The following ITGB4 variants were observed in gnomAD, a reference collection of about 807,000 sequenced individuals.
The protein encoded by ITGB4 is integrin subunit beta 4.
In ITGB4, 159 loss-of-function variants were observed where a neutral mutation model predicts 207.6. That is an observed-to-expected ratio of 0.77 (90% CI 0.67 to 0.87). The LOEUF is 0.87. Among genes scored for constraint, ITGB4 ranks in the 40% least tolerant of loss-of-function variants. ITGB4 has a pLI of 0.00. For synonymous variants in ITGB4, 1,020 were observed against 1,062.7 expected, an observed-to-expected ratio of 0.96 and a Z score of 0.78; for missense variants, 2,278 against 2,546.8, an observed-to-expected ratio of 0.89 and a Z score of 2.27.
intron 16 of ITGB4, 46 bp downstream of exon 16, chr17:75,736,740 C>A (rs752257415): frequency 1.9e-6 from 3 of 1,568,182 alleles, no homozygotes; most frequent in Middle Eastern, 1.7e-4. Flanking sequence ...GCCTAGGCAG[C>A]GGGCATCCAA....
At chr17:75,744,096 C>T (rs1194609268) in intron 26 of ITGB4, among the ~76,000 whole-genome samples, 1 of 149,880 alleles carries the variant, frequency 6.7e-6, no homozygotes, top group Non-Finnish European at 1.5e-5. Flanking sequence ...GCCAGGGACT[C>T]AGGCCAAGAG....
rs926732546 is a variant in ITGB4 at position 75,732,326 on chromosome 17, C to T, written c.1454+87C>T. On this transcript the variant is annotated intron_variant, in intron 12 of 39. Transcript: ENST00000200181. The surrounding 1 kb of genome is among the most constrained non-coding windows in gnomAD (Gnocchi z 5.3). ...TCCTGCAGGGGCCTGGCCCTGGGTGCACCTTGTACACCTGGCTGGGGGTGG... is the reference window on the plus strand; with the variant it reads ...TCCTGCAGGGGCCTGGCCCTGGGTGTACCTTGTACACCTGGCTGGGGGTGG... 9.8e-6 allele frequency: 12 copies of T among 1,226,936 alleles called. No individual in the cohort carries two copies. The highest frequency in any genetic ancestry group is 5.9e-5 in the African/African-American group (4 of 67,508). The allele number at this position is 1,226,936 out of a possible 1,614,324, so 76.0% of individuals were successfully genotyped here.
intron 13 of ITGB4, among the ~76,000 whole-genome samples, chr17:75,734,683 T>C (rs766051212): frequency 6.6e-6 from 1 of 152,244 alleles, no homozygotes; most frequent in Non-Finnish European, 1.5e-5. Context: ...CCTGCTTTTC[T>C]ACTCTTTCTT....
chr17:75,740,181 G>A lies in ITGB4; in HGVS notation c.2446+110G>A, dbSNP rs2061074446. On this transcript the variant is annotated intron_variant, in intron 20 of 39. Transcript: ENST00000200181. The surrounding 1 kb of genome is among the most constrained non-coding windows in gnomAD (Gnocchi z 5.9). ...TCTGGGTGTGGGGTGCAGGCACAGG[G>A]CTCAGCCACCTTTTGCCCTGTGCTG... The A allele has an allele frequency of 4.5e-6, 6 of 1,319,604 alleles. No homozygotes were observed. Among genetic ancestry groups the A allele is most frequent in the Non-Finnish European group, 6.3e-6 (6 of 956,754 alleles). 81.7% of individuals were successfully genotyped at this position (1,319,604 alleles called of 1,614,324 possible). A position where few individuals can be genotyped will look rare whatever the true frequency, so the allele number is the denominator to read the frequency against.
rs1455669872 is a variant in ITGB4 at position 75,739,152 on chromosome 17, G to A, written c.2221-520G>A. Among the ~76,000 whole-genome samples the A allele has an allele frequency of 6.6e-6, 1 of 151,850 alleles. No homozygotes were observed. Among genetic ancestry groups the A allele is most frequent in the Non-Finnish European group, 1.5e-5 (1 of 67,958 alleles). On this transcript the variant is annotated intron_variant, in intron 18 of 39. Transcript: ENST00000200181. The surrounding 1 kb of genome is among the most constrained non-coding windows in gnomAD (Gnocchi z 5.4). The stretch of plus-strand genomic sequence containing the variant: ...CTCTACTAGAAATACAAAATTAGCT[G>A]GGCATGGAGGTGGATGCCTATAATC...
rs2061147797 is a variant in ITGB4, at chr17:75,742,873, C to T, written c.2962+112C>T. ...ACGTGGCCTGGGCTAGTCACTTAAC[C>T]TCTGCAAGCCTTGGTTTCTCCATCT... is the stretch of plus-strand genomic sequence containing the variant. On this transcript the variant is annotated intron_variant, in intron 25 of 39. Coordinates refer to ENST00000200181, the MANE Select transcript of ITGB4 (RefSeq NM_000213.5). The surrounding 1 kb of genome is among the most constrained non-coding windows in gnomAD (Gnocchi z 5.9). 6 of 970,382 alleles carry T rather than the reference C, an allele frequency of 6.2e-6. No individual in the cohort carries two copies. The highest frequency in any genetic ancestry group is 7.6e-6 in the Non-Finnish European group (5 of 659,480). 60.1% of individuals were successfully genotyped at this position (970,382 alleles called of 1,614,324 possible).
At chr17:75,743,044 G>A (rs534815700) in intron 25 of ITGB4, among the ~76,000 whole-genome samples, 1 of 152,178 alleles carries the variant, frequency 6.6e-6, no homozygotes, top group Admixed American at 6.5e-5. Flanking sequence ...TAGAAAAAGG[G>A]TTGGCCAAGG....
chr17:75,748,802 C>A (rs1285110748), intron 26 of ITGB4, 39 bp from the exon 27 acceptor site: 1 of 1,519,156 alleles, frequency 6.6e-7, no homozygotes. Context: ...TGCCTCAGCC[C>A]CCAGCCATGA....
chr17:75,732,112 GC>G lies in ITGB4; in HGVS notation c.1378-47del, dbSNP rs1361935346. The G allele has an allele frequency of 2.4e-5, 38 of 1,609,062 alleles. No individual in the cohort carries two copies. The highest frequency in any genetic ancestry group is 3.2e-5 in the Non-Finnish European group (38 of 1,175,944). On this transcript the variant is annotated intron_variant, in intron 11 of 39. Transcript: ENST00000200181. This position sits in a 1 kb window ranked among gnomAD's most constrained non-coding sequence, Gnocchi z 5.3. ...CACAGGAGAGCGGAAGTGTCCAGTG[GC>G]CCCGGTCCTGCTCCCCCGACGCACC...
intron 36 of ITGB4, 39 bp from the exon 37 acceptor site, chr17:75,756,665 C>A: frequency 6.2e-7 from 1 of 1,613,178 alleles, no homozygotes. Flanking sequence ...ATGCCCACCA[C>A]CCACCCACAG....
In ITGB4 at chr17:75,757,499, C is replaced by A; in HGVS notation, c.5413C>A (p.Leu1805Met). 6.2e-7 allele frequency: 1 copy of A among 1,613,228 alleles called. No homozygotes were observed. Among genetic ancestry groups the A allele is most frequent in the South Asian group, 1.1e-5 (1 of 91,080 alleles). Residue 1805 changes from leucine to methionine, a missense_variant, in exon 40 of 40, where the codon CTG becomes ATG. By Grantham distance (15) the Leu-to-Met change is conservative. Transcript: ENST00000200181. Reference sequence around the variant, plus strand: ...GACCCAGGAGTTTGTGAGCCGGACACTGACCACCAGCGGAACCCTTAGCAC... The same window carrying A: ...GACCCAGGAGTTTGTGAGCCGGACAATGACCACCAGCGGAACCCTTAGCAC... ...HVTQEFVSRT[L>M]TTSGTLSTHM...
In ITGB4 at chr17:75,729,399, G is replaced by A. The variant is rs1038415538; in HGVS notation, c.701G>A (p.Gly234Asp). 2.5e-6 allele frequency: 4 copies of A among 1,614,046 alleles called. No individual in the cohort carries two copies. In the African/African-American group the frequency reaches 5.3e-5, roughly 22 times the overall value. ...RISGNLDAPE[G>D]GFDAILQTAV... ...TCAGGCAACCTGGATGCTCCTGAGG[G>A]CGGCTTCGATGCCATCCTGCAGACA... Residue 234 changes from glycine (G) to aspartate (D), a missense_variant, in exon 7 of 40, where the codon GGC becomes GAC. By Grantham distance (94) the Gly-to-Asp change is moderately conservative. Coordinates refer to ENST00000200181, the MANE Select transcript of ITGB4 (RefSeq NM_000213.5). The surrounding 1 kb of genome is among the most constrained non-coding windows in gnomAD (Gnocchi z 4.4).
chr17:75,752,405 G>T (rs375297670), intron 31 of ITGB4, 41 bp from the exon 32 acceptor site: 1 of 1,612,700 alleles, frequency 6.2e-7, no homozygotes, highest in African/African-American at 1.3e-5. Flanking sequence ...GGGGGGCAGG[G>T]GGCAGCAGCC....
Position 75,727,157 on chromosome 17 carries a change from G to T in ITGB4, c.80-38G>T. On this transcript the variant is annotated intron_variant, in intron 2 of 39. Coordinates refer to ENST00000200181, the MANE Select transcript of ITGB4 (RefSeq NM_000213.5). The surrounding 1 kb of genome is among the most constrained non-coding windows in gnomAD (Gnocchi z 6.0). ...GTGGGAAAGTGCTTGCCTTTGCTGA[G>T]CGCCTCCCCATTCATGTGCCCACAT... 1 of 1,589,290 alleles carries T rather than the reference G, an allele frequency of 6.3e-7. No homozygotes were observed. Among genetic ancestry groups the T allele is most frequent in the Middle Eastern group, 1.7e-4 (1 of 5,998 alleles).
Position 75,751,080 on chromosome 17 carries a change from G to A in ITGB4, c.3762G>A (p.Glu1254=). The change falls in exon 30 of 40, where the codon GAG becomes GAA. Residue 1254 remains glutamate (E), a synonymous_variant. Coordinates refer to ENST00000200181, the MANE Select transcript of ITGB4 (RefSeq NM_000213.5). Reference sequence around the variant, plus strand: ...CCAACGGTGAGATCACAGCCTACGAGGTCTGCTATGGCCTGGTCAACGATG... The same window carrying A: ...CCAACGGTGAGATCACAGCCTACGAAGTCTGCTATGGCCTGGTCAACGATG... The part of the protein sequence containing the change: ...AETNGEITAY[E]VCYGLVNDDN... 3 of 1,613,848 alleles carry A rather than the reference G, an allele frequency of 1.9e-6. No individual in the cohort carries two copies. The highest frequency in any genetic ancestry group is 1.1e-5 in the South Asian group (1 of 91,084).
chr17:75,746,368 G>C (rs2061232497), intron 26 of ITGB4: 1 of 152,070 alleles, frequency 6.6e-6, no homozygotes, highest in African/African-American at 2.4e-5. Context: ...AAGTAACAGG[G>C]ACTACAGGTG....
In ITGB4 at chr17:75,737,623, G is replaced by A; in HGVS notation, c.2199G>A (p.Trp733Ter). 6.2e-7 allele frequency: 1 copy of A among 1,613,306 alleles called. No individual in the cohort carries two copies. Among genetic ancestry groups the A allele is most frequent in the Non-Finnish European group, 8.5e-7 (1 of 1,179,840 alleles). Residue 733 changes from tryptophan to a stop codon, truncating the protein, a stop_gained, in exon 18 of 40, where the codon TGG becomes TGA. Coordinates refer to ENST00000200181, the MANE Select transcript of ITGB4 (RefSeq NM_000213.5). LOFTEE classifies it high-confidence loss of function. ...PLLALLLLLCWKYCACCKACL... is the reference protein window; with the variant it reads ...PLLALLLLLC ...TGGCCCTGCTACTGCTGCTATGCTG[G>A]AAGTACTGTGCCTGCTGCAAGGTGA...
chr17:75,754,529 C>G (rs200717512), intron 33 of ITGB4, 47 bp from the exon 34 acceptor site: 13 of 1,611,568 alleles, frequency 8.1e-6, no homozygotes, highest in Admixed American at 5.0e-5. Flanking sequence ...CCACGGGGCC[C>G]GGGTCTGGGG....
Position 75,757,386 on chromosome 17 carries a change from C to A in ITGB4, c.5330-30C>A, listed in dbSNP as rs921091392. ...CAGAGGGAGAAGGGCAGACCCCAAG[C>A]CAGGTCATCTAATGCCTCCTCCTCC... On this transcript the variant is annotated intron_variant, in intron 39 of 39. Transcript: ENST00000200181. 14 of 1,612,920 alleles carry A rather than the reference C, an allele frequency of 8.7e-6. No homozygotes were observed. In the African/African-American group the frequency reaches 1.7e-4, roughly 20 times the overall value.
Sources: gnomAD v4.1 joint callset for allele counts (sites outside exome capture counted in the v4.1 genomes callset) on GRCh38, gnomAD v4.1.1 for gene constraint, Gnocchi (gnomAD v3.1) non-coding constraint, MANE v1.5 for transcripts, NCBI Gene and HGNC (gene_info 2026-07-23, HGNC 2026-07-21) for gene names.